The following MAP3K3 variants were observed in gnomAD, a reference collection of about 807,000 sequenced individuals.
MAP3K3 encodes the protein MAP/ERK kinase kinase 3.
Under a neutral mutation model 80.9 loss-of-function variants are expected in MAP3K3, and 12 were observed. That is an observed-to-expected ratio of 0.15 (90% confidence interval 0.10 to 0.24). MAP3K3 has a LOEUF of 0.24. Among genes scored for constraint, MAP3K3 ranks in the 10% least tolerant of loss-of-function variants. The probability of loss-of-function intolerance (pLI) is 1.00; values close to 1 mark genes in which losing one functional copy is unlikely to be tolerated. For missense variants in MAP3K3, 596 were observed against 834.7 expected, an observed-to-expected ratio of 0.71 and a Z score of 3.52; for synonymous variants, 272 against 307.1, an observed-to-expected ratio of 0.89 and a Z score of 1.19.
intron 2 of MAP3K3, among the ~76,000 whole-genome samples, chr17:63,638,227 AT>A (rs1295870534): frequency 4.6e-5 from 7 of 151,446 alleles, no homozygotes; most frequent in African/African-American, 1.5e-4. Flanking sequence ...TTTTTGTTGT[AT>A]TTTTTTTTCC....
At chr17:63,665,730 A>G (rs2034987678) in intron 5 of MAP3K3, among the ~76,000 whole-genome samples, 1 of 152,192 alleles carries the variant, frequency 6.6e-6, no homozygotes, top group Admixed American at 6.5e-5. Context: ...CGGAGGCTTC[A>G]GCAAGAACAT....
chr17:63,641,765 A>G (rs1168966044), intron 2 of MAP3K3, among the ~76,000 whole-genome samples: 6 of 152,164 alleles, frequency 3.9e-5, no homozygotes, highest in African/African-American at 1.2e-4. Flanking sequence ...TTAGAGGCCC[A>G]CTGAGAAGTT....
intron 1 of MAP3K3, among the ~76,000 whole-genome samples, chr17:63,624,292 A>G (rs981000753): frequency 6.6e-5 from 10 of 152,274 alleles, no homozygotes; most frequent in Admixed American, 4.6e-4. Context: ...ATGAGCCTGT[A>G]TTGTGATAGT....
intron 8 of MAP3K3, chr17:63,688,275 C>T: frequency 1.8e-6 from 1 of 555,322 alleles, no homozygotes; most frequent in Non-Finnish European, 3.2e-6. Context: ...AGGGAGAGGG[C>T]TGTGCAGCCA....
In MAP3K3 at chr17:63,623,711, A is replaced by T. The variant is rs531720116; in HGVS notation, c.4+948A>T. Among the ~76,000 whole-genome samples the T allele has an allele frequency of 2.0e-5, 3 of 152,346 alleles. No individual in the cohort carries two copies. In the East Asian group the frequency reaches 5.8e-4, roughly 29 times the overall value. ...AGAAATAACATTTTAAACGTTCTTT[A>T]CTTCTCCTGCCCAGACAGGTGTTGT... On this transcript the variant is annotated intron_variant, in intron 1 of 15. Transcript: ENST00000361733.
intron 4 of MAP3K3, 35 bp downstream of exon 4, chr17:63,652,691 G>C: frequency 7.3e-7 from 1 of 1,372,212 alleles, no homozygotes; most frequent in Non-Finnish European, 1.0e-6. Flanking sequence ...GGGACAAGAG[G>C]GGCAGATGCC....
intron 1 of MAP3K3, among the ~76,000 whole-genome samples, chr17:63,626,962 T>C (rs1374515713): frequency 1.3e-5 from 2 of 152,062 alleles, no homozygotes; most frequent in Admixed American, 6.6e-5. Flanking sequence ...GATAACAATG[T>C]TTATTAGAGA....
intron 1 of MAP3K3, 70 bp from the exon 2 acceptor site, chr17:63,632,610 AT>A (rs1296537816): frequency 3.8e-6 from 6 of 1,570,912 alleles, no homozygotes; most frequent in Non-Finnish European, 4.3e-6. Context: ...AGTATTAGTT[AT>A]ACAGTTTGTG....
At chr17:63,672,023 C>G (rs1355532320) in intron 6 of MAP3K3, among the ~76,000 whole-genome samples, 1 of 151,816 alleles carries the variant, frequency 6.6e-6, no homozygotes, top group Non-Finnish European at 1.5e-5. Context: ...TGGCTCACAT[C>G]TGTAATCCCA....
At chr17:63,626,214 T>C (rs2034098408) in intron 1 of MAP3K3, among the ~76,000 whole-genome samples, 1 of 152,240 alleles carries the variant, frequency 6.6e-6, no homozygotes, top group Admixed American at 6.5e-5. Context: ...TGTTAATTTA[T>C]TCTTTGCCCA....
chr17:63,659,471 A>C (rs2034839345), intron 5 of MAP3K3, among the ~76,000 whole-genome samples: 1 of 151,286 alleles, frequency 6.6e-6, no homozygotes, highest in South Asian at 2.1e-4. Flanking sequence ...TGTTCCTCTA[A>C]CTATATGTGA....
Position 63,691,817 on chromosome 17 carries a change from A to G in MAP3K3, c.1429A>G (p.Met477Val). ...RKYTRQILEG[M>V]SYLHSNMIVH... ...GTACACGCGGCAGATCCTGGAGGGC[A>G]TGTCCTACCTGCACAGCAACATGAT... The change falls in exon 14 of 16, where the codon ATG (methionine) becomes GTG (valine). Residue 477 changes from methionine to valine, a missense_variant. Around this residue, in one of 2 missense-constraint regions of MAP3K3, gnomAD observed 364 missense variants for 588.9 expected, o/e 0.62. Transcript: ENST00000361733. This position sits in a 1 kb window ranked among gnomAD's most constrained non-coding sequence, Gnocchi z 4.8. 3 of 1,614,120 alleles carry G rather than the reference A, an allele frequency of 1.9e-6. No individual in the cohort carries two copies. Among genetic ancestry groups the G allele is most frequent in the Non-Finnish European group, 2.5e-6 (3 of 1,180,000 alleles).
intron 1 of MAP3K3, among the ~76,000 whole-genome samples, chr17:63,630,902 C>T (rs2034201803): frequency 6.6e-6 from 1 of 152,082 alleles, no homozygotes; most frequent in African/African-American, 2.4e-5. Flanking sequence ...AAGCAAAAAC[C>T]TCTTTATAGG....
intron 3 of MAP3K3, among the ~76,000 whole-genome samples, chr17:63,649,263 C>A (rs1009437057): frequency 6.6e-6 from 1 of 151,976 alleles, no homozygotes; most frequent in Admixed American, 6.6e-5. Context: ...ATGGTGAAAC[C>A]CTGTCTCTAC....
At chr17:63,642,963 G>A (rs554679157) in intron 2 of MAP3K3, among the ~76,000 whole-genome samples, 3 of 151,174 alleles carry the variant, frequency 2.0e-5, no homozygotes, top group South Asian at 2.1e-4. Flanking sequence ...TTGCCATGTC[G>A]CCCAGACTGA....
intron 2 of MAP3K3, among the ~76,000 whole-genome samples, chr17:63,639,689 T>C (rs578250497): frequency 9.1e-4 from 139 of 152,144 alleles, no homozygotes; most frequent in Middle Eastern, 6.8e-3. Context: ...TTTCTGGAAT[T>C]GCAGTCCTTA....
intron 7 of MAP3K3, among the ~76,000 whole-genome samples, chr17:63,683,528 G>A (rs1233403590): frequency 6.8e-6 from 1 of 146,040 alleles, no homozygotes; most frequent in Non-Finnish European, 1.6e-5. Flanking sequence ...TGGAAGGCCT[G>A]GGAGGATTTG....
intron 1 of MAP3K3, among the ~76,000 whole-genome samples, chr17:63,630,047 A>G (rs924092078): frequency 1.3e-5 from 2 of 152,200 alleles, no homozygotes; most frequent in Non-Finnish European, 2.9e-5. Flanking sequence ...AAAATTCTCA[A>G]TACTTAGGGT....
At chr17:63,661,983 G>T (rs1346578429) in intron 5 of MAP3K3, among the ~76,000 whole-genome samples, 1 of 151,988 alleles carries the variant, frequency 6.6e-6, no homozygotes, top group East Asian at 1.9e-4. Flanking sequence ...GGTGCCTGTA[G>T]TCCCAGCTAC....
Sources: gnomAD v4.1 joint callset for allele counts (sites outside exome capture counted in the v4.1 genomes callset) on GRCh38, gnomAD v4.1.1 for gene constraint, gnomAD v4.1.1 regional missense constraint, Gnocchi (gnomAD v3.1) non-coding constraint, MANE v1.5 for transcripts, NCBI Gene and HGNC (gene_info 2026-07-23, HGNC 2026-07-21) for gene names.